The following PRKAG2 variants were observed in gnomAD, a reference collection of about 807,000 sequenced individuals.
The protein encoded by PRKAG2 is protein kinase AMP-activated non-catalytic subunit gamma 2, also known as 5'-AMP-activated protein kinase subunit gamma-2.
In PRKAG2, 26 loss-of-function variants were observed where a neutral mutation model predicts 69.6. The ratio of observed to expected loss-of-function variants is 0.37; its 90% confidence interval spans 0.27 to 0.52. The LOEUF (loss-of-function observed/expected upper bound fraction) is 0.52, where lower values mean the gene tolerates loss of function less well. Among genes scored for constraint, PRKAG2 ranks in the 20% least tolerant of loss-of-function variants. The pLI, the probability that PRKAG2 is intolerant of heterozygous loss-of-function variation, is 0.90. For missense variants in PRKAG2, 557 were observed against 740.0 expected, an observed-to-expected ratio of 0.75 and a Z score of 2.87; for synonymous variants, 293 against 285.0, an observed-to-expected ratio of 1.03 and a Z score of -0.28.
rs2079116522 is a variant in PRKAG2 at position 151,835,033 on chromosome 7, G to C, written c.114+41474C>G. 6.6e-6 allele frequency among the ~76,000 whole-genome samples: 1 copy of C among 152,100 alleles called. No individual in the cohort carries two copies. The highest frequency in any genetic ancestry group is 1.5e-5 in the Non-Finnish European group (1 of 68,026). On this transcript the variant is annotated intron_variant, in intron 1 of 15. Transcript: ENST00000287878. This position sits in a 1 kb window ranked among gnomAD's most constrained non-coding sequence, Gnocchi z 4.1. ...TCTGTGTCCAGAATCCCCCTCATAC[G>C]CAGATGCCAGCCATGTGGAAAAGGG...
chr7:151,770,681 T>C (rs369212594), intron 3 of PRKAG2, among the ~76,000 whole-genome samples: 3 of 152,214 alleles, frequency 2.0e-5, no homozygotes, highest in Non-Finnish European at 2.9e-5. Context: ...TCGCAGGTTT[T>C]CTGGGGAGCT....
At chr7:151,701,829 C>A (rs1284146167) in intron 3 of PRKAG2, among the ~76,000 whole-genome samples, 2 of 138,876 alleles carry the variant, frequency 1.4e-5, no homozygotes, top group African/African-American at 6.2e-5. Flanking sequence ...GGCGACAGAG[C>A]GAGACTCTGT....
intron 8 of PRKAG2, among the ~76,000 whole-genome samples, chr7:151,573,800 A>G (rs1808255215): frequency 6.6e-6 from 1 of 152,270 alleles, no homozygotes; most frequent in South Asian, 2.1e-4. Flanking sequence ...TTTTTCGGAG[A>G]CAGAGTCTCC....
At chr7:151,827,161 T>G (rs2078920194) in intron 1 of PRKAG2, among the ~76,000 whole-genome samples, 1 of 152,226 alleles carries the variant, frequency 6.6e-6, no homozygotes, top group South Asian at 2.1e-4. Flanking sequence ...AAAACCCCAA[T>G]GCCTGGTCTC....
chr7:151,660,504 T>A (rs1830158100), intron 4 of PRKAG2, among the ~76,000 whole-genome samples: 1 of 152,380 alleles, frequency 6.6e-6, no homozygotes, highest in South Asian at 2.1e-4. Flanking sequence ...CCAGGCTATA[T>A]GTAACATTCG....
intron 3 of PRKAG2, among the ~76,000 whole-genome samples, chr7:151,685,888 A>G (rs1401742482): frequency 6.6e-6 from 1 of 152,218 alleles, no homozygotes; most frequent in Non-Finnish European, 1.5e-5. Context: ...ATTTTTTAAA[A>G]CAAAACAAAA....
intron 4 of PRKAG2, among the ~76,000 whole-genome samples, chr7:151,660,595 T>A (rs77878144): frequency 0.035 from 5,351 of 152,300 alleles, 314 homozygotes; most frequent in African/African-American, 0.12. Context: ...GTCTACTAGA[T>A]TTTATGAAAA....
At chr7:151,579,304 G>A (rs540764071) in intron 6 of PRKAG2, among the ~76,000 whole-genome samples, 61 of 152,192 alleles carry the variant, frequency 4.0e-4, no homozygotes, top group Non-Finnish European at 7.3e-4. Flanking sequence ...TTACAGGCAT[G>A]AGCCACTGCA....
chr7:151,689,908 G>A (rs939132736), intron 3 of PRKAG2, among the ~76,000 whole-genome samples: 14 of 152,224 alleles, frequency 9.2e-5, no homozygotes, highest in African/African-American at 3.1e-4. Flanking sequence ...CATCATGAAG[G>A]GAGAGGCAGG....
At chr7:151,723,898 G>C (rs566463376) in intron 3 of PRKAG2, among the ~76,000 whole-genome samples, 92 of 152,266 alleles carry the variant, frequency 6.0e-4, no homozygotes, top group African/African-American at 2.2e-3. Flanking sequence ...CAACCCGCCC[G>C]TGAAGCCTGA....
At chr7:151,800,555 C>T (rs1164754353) in intron 1 of PRKAG2, among the ~76,000 whole-genome samples, 2 of 152,264 alleles carry the variant, frequency 1.3e-5, no homozygotes, top group Non-Finnish European at 2.9e-5. Flanking sequence ...CAGGGCCACG[C>T]TGGTCACTGC....
chr7:151,690,394 TGAC>T (rs1835479925), intron 3 of PRKAG2, among the ~76,000 whole-genome samples: 1 of 152,136 alleles, frequency 6.6e-6, no homozygotes, highest in African/African-American at 2.4e-5. Flanking sequence ...CTCATCTACT[TGAC>T]AAACTTCCAA....
At chr7:151,631,284 T>A (rs1824333588) in intron 5 of PRKAG2, among the ~76,000 whole-genome samples, 1 of 152,248 alleles carries the variant, frequency 6.6e-6, no homozygotes, top group Non-Finnish European at 1.5e-5. Flanking sequence ...GACTCTGAGC[T>A]CATCACATTT....
intron 4 of PRKAG2, among the ~76,000 whole-genome samples, chr7:151,668,475 G>A (rs185033391): frequency 2.6e-5 from 4 of 152,340 alleles, no homozygotes; most frequent in East Asian, 3.9e-4. Context: ...ATATGTCCTC[G>A]ATTCATTTTA....
At chr7:151,767,723 C>G (rs373378367) in intron 3 of PRKAG2, among the ~76,000 whole-genome samples, 6 of 152,240 alleles carry the variant, frequency 3.9e-5, no homozygotes, top group African/African-American at 1.4e-4. Context: ...TCAAAGAGTA[C>G]CAGCTAATTG....
chr7:151,833,511 C>T (rs2079083723), intron 1 of PRKAG2, among the ~76,000 whole-genome samples: 1 of 152,170 alleles, frequency 6.6e-6, no homozygotes, highest in Non-Finnish European at 1.5e-5. Flanking sequence ...GTGGGTGCCG[C>T]CCTCACCTGC....
At chr7:151,624,163 T>C (rs1430894295) in intron 5 of PRKAG2, among the ~76,000 whole-genome samples, 1 of 146,792 alleles carries the variant, frequency 6.8e-6, no homozygotes, top group Non-Finnish European at 1.5e-5. Flanking sequence ...TGTGTGTGTG[T>C]GTGTACATAT....
intron 3 of PRKAG2, among the ~76,000 whole-genome samples, chr7:151,716,858 G>A (rs552591455): frequency 5.3e-5 from 8 of 152,174 alleles, no homozygotes; most frequent in South Asian, 4.2e-4. Flanking sequence ...TACACACCCC[G>A]CACCTTCAGC....
intron 5 of PRKAG2, among the ~76,000 whole-genome samples, chr7:151,617,282 A>AGGGAC (rs1820390687): frequency 4.2e-4 from 3 of 7,152 alleles, no homozygotes; most frequent in African/African-American, 5.8e-4. Flanking sequence ...GAGGGAGGGA[A>AGGGAC]AGAGGGAGGG....
Sources: allele counts gnomAD v4.1 joint callset (sites outside exome capture counted in the v4.1 genomes callset), GRCh38; gene constraint gnomAD v4.1.1; non-coding constraint Gnocchi (gnomAD v3.1); transcripts MANE v1.5; gene names NCBI Gene and HGNC (gene_info 2026-07-23, HGNC 2026-07-21).